ZAP70: variants seen among roughly 807,000 people sequenced by gnomAD.
The protein encoded by ZAP70 is zeta chain of T cell receptor associated protein kinase 70.
A neutral mutation model predicts 65.8 loss-of-function variants in ZAP70; 27 were observed. The observed-to-expected ratio is 0.41, with a 90% CI of 0.30 to 0.57. The LOEUF (loss-of-function observed/expected upper bound fraction) is 0.57. ZAP70 is among the 20% of genes least tolerant of loss of function. The pLI, the probability that ZAP70 is intolerant of heterozygous loss-of-function variation, is 0.28. For missense variants in ZAP70, 696 were observed against 870.5 expected (o/e 0.80, Z 2.52); for synonymous variants, 363 against 360.8 (o/e 1.01, Z -0.07).
intron 2 of ZAP70, among the ~76,000 whole-genome samples, chr2:97,717,294 C>T (rs917612620): frequency 5.9e-5 from 9 of 151,262 alleles, no homozygotes; most frequent in African/African-American, 1.9e-4. Context: ...GGGGCTGGGG[C>T]CCTGCTCCTG....
At chr2:97,734,497 A>T in intron 8 of ZAP70, 23 bp from the exon 9 acceptor site, 1 of 1,607,962 alleles carries the variant, frequency 6.2e-7, no homozygotes, top group Non-Finnish European at 8.5e-7. Flanking sequence ...CTGACCTGGG[A>T]GTGTACCGCT....
intron 8 of ZAP70, 108 bp from the exon 9 acceptor site, chr2:97,734,412 C>G: frequency 6.8e-7 from 1 of 1,467,998 alleles, no homozygotes; most frequent in Non-Finnish European, 9.0e-7. Context: ...CTTGTGCATG[C>G]TCCAGGGACG....
At position 97,737,464 on chromosome 2, in the gene ZAP70, C is replaced by A. The variant is rs1279831174; in HGVS notation, c.1290-9C>A. On this transcript the variant is annotated splice_polypyrimidine_tract_variant and intron_variant, in intron 10 of 13. Transcript: ENST00000264972. The surrounding 1 kb of genome is among the most constrained non-coding windows in gnomAD (Gnocchi z 5.0). The stretch of plus-strand genomic sequence containing the variant: ...CTCCCAGCTGACCCCGCCTTCCCCG[C>A]CACCCCAGGGAGGAGATCCCTGTGA... 1 of 1,613,954 alleles carries A rather than the reference C, an allele frequency of 6.2e-7. No homozygotes were observed. Among genetic ancestry groups the A allele is most frequent in the Non-Finnish European group, 8.5e-7 (1 of 1,179,964 alleles).
intron 3 of ZAP70, 153 bp downstream of exon 3, chr2:97,724,591 C>A (rs1449562743): frequency 2.6e-6 from 4 of 1,534,126 alleles, no homozygotes; most frequent in Non-Finnish European, 3.5e-6. Context: ...GGGGAAGAAC[C>A]TGAAAGGAGG....
At chr2:97,718,869 T>A (rs1470189492) in intron 2 of ZAP70, among the ~76,000 whole-genome samples, 1 of 152,174 alleles carries the variant, frequency 6.6e-6, no homozygotes, top group African/African-American at 2.4e-5. Context: ...TGCATCCTCA[T>A]GCTTTATGGG....
At chr2:97,730,873 G>A (rs887485467) in intron 4 of ZAP70, among the ~76,000 whole-genome samples, 4 of 152,066 alleles carry the variant, frequency 2.6e-5, no homozygotes, top group African/African-American at 9.7e-5. Flanking sequence ...ATCTAACACA[G>A]TGAAACCCCA....
intron 10 of ZAP70, 125 bp downstream of exon 10, chr2:97,735,581 A>G: frequency 8.8e-7 from 1 of 1,137,798 alleles, no homozygotes; most frequent in Admixed American, 2.4e-5. Context: ...TCGTGGACAC[A>G]CTCTCAGCCT....
At chr2:97,721,580 A>AAT (rs1677156479) in intron 2 of ZAP70, among the ~76,000 whole-genome samples, 14 of 81,162 alleles carry the variant, frequency 1.7e-4, no homozygotes, top group African/African-American at 6.0e-4. Flanking sequence ...TGGCTGGCTG[A>AAT]TTTTTTTTTT....
At position 97,739,526 on chromosome 2, in the gene ZAP70, C is replaced by T. The variant is rs1458843869; in HGVS notation, c.*28C>T. The T allele has an allele frequency of 3.1e-6, 5 of 1,606,742 alleles. No homozygotes were observed. Among genetic ancestry groups the T allele is most frequent in the African/African-American group, 2.7e-5 (2 of 74,768 alleles). On this transcript the variant is annotated 3_prime_UTR_variant, in exon 14 of 14. Coordinates refer to ENST00000264972, the MANE Select transcript of ZAP70 (RefSeq NM_001079.4). ...TCCCGCTGCCCAGGGGAGCCCTCCA[C>T]GCCGGCTCTTCCCCACCCTCAGCCC... is the stretch of plus-strand genomic sequence containing the variant.
intron 4 of ZAP70, among the ~76,000 whole-genome samples, chr2:97,727,073 A>T (rs1677417553): frequency 6.6e-6 from 1 of 152,390 alleles, no homozygotes; most frequent in South Asian, 2.1e-4. Context: ...TCATCCAGCA[A>T]GCTAGCTGAA....
At chr2:97,714,231 C>T (rs530100486) in intron 2 of ZAP70, among the ~76,000 whole-genome samples, 4 of 152,188 alleles carry the variant, frequency 2.6e-5, no homozygotes, top group South Asian at 4.2e-4. Flanking sequence ...TCAGGGGACA[C>T]GGTGAGGCCT....
chr2:97,716,112 G>C (rs1271683011), intron 2 of ZAP70, among the ~76,000 whole-genome samples: 1 of 152,180 alleles, frequency 6.6e-6, no homozygotes, highest in Non-Finnish European at 1.5e-5. Flanking sequence ...AACGGAGGAG[G>C]CCTGAAGCCG....
chr2:97,720,840 T>C (rs60016929), intron 2 of ZAP70, among the ~76,000 whole-genome samples: 6,517 of 152,232 alleles, frequency 0.043, 398 homozygotes, highest in African/African-American at 0.14. Flanking sequence ...GTGCAGATCC[T>C]GGCCCCTCCT....
Position 97,731,092 on chromosome 2 carries a change from GA to G in ZAP70, c.564-1790del, listed in dbSNP as rs1677584253. Among the ~76,000 whole-genome samples the G allele has an allele frequency of 6.6e-6, 1 of 151,620 alleles. No homozygotes were observed. The highest frequency in any genetic ancestry group is 1.5e-5 in the Non-Finnish European group (1 of 67,894). ...AAAAAAAAAGAGACAGAGGAGGGGA[GA>G]TGGGAGGTTTGCTGTTTGCTGGTGA... On this transcript the variant is annotated intron_variant, in intron 4 of 13. Transcript: ENST00000264972. The surrounding 1 kb of genome is among the most constrained non-coding windows in gnomAD (Gnocchi z 4.0).
downstream of ZAP70, among the ~76,000 whole-genome samples, chr2:97,741,086 AC>A (rs1678116019): frequency 6.6e-6 from 1 of 152,158 alleles, no homozygotes; most frequent in Non-Finnish European, 1.5e-5. Context: ...TAGCTTTTCT[AC>A]GGAACATGTT....
chr2:97,743,187 C>A (rs1678171199), downstream of ZAP70, among the ~76,000 whole-genome samples: 1 of 152,236 alleles, frequency 6.6e-6, no homozygotes, highest in South Asian at 2.1e-4. Context: ...CCGTGGCTGC[C>A]ACTAAAATCC....
chr2:97,737,852 G>A lies in ZAP70; in HGVS notation c.1578G>A (p.Gly526=). 1 of 1,614,136 alleles carries A rather than the reference G, an allele frequency of 6.2e-7. No homozygotes were observed. Among genetic ancestry groups the A allele is most frequent in the African/African-American group, 1.3e-5 (1 of 75,040 alleles). ...FSSRSDVWSY[G]VTMWEALSYG... is the part of the protein sequence containing the mutation. ...GCCGCAGCGATGTCTGGAGCTATGG[G>A]GTCACCATGTGGGAGGCCTTGTCCT... Residue 526 remains glycine (G), a synonymous_variant, in exon 12 of 14, where the codon GGG becomes GGA. Coordinates refer to ENST00000264972, the MANE Select transcript of ZAP70 (RefSeq NM_001079.4). This position sits in a 1 kb window ranked among gnomAD's most constrained non-coding sequence, Gnocchi z 5.0.
chr2:97,732,774 G>A (rs1413228797), intron 4 of ZAP70, 109 bp from the exon 5 acceptor site: 1 of 1,501,126 alleles, frequency 6.7e-7, no homozygotes, highest in Non-Finnish European at 9.1e-7. Context: ...CAGCTTCTCT[G>A]CAAGGCTCTG....
downstream of ZAP70, among the ~76,000 whole-genome samples, chr2:97,741,962 A>G (rs766172190): frequency 1.1e-4 from 17 of 152,202 alleles, no homozygotes; most frequent in Non-Finnish European, 2.2e-4. Context: ...GGCTTCCTGT[A>G]GGAGGGAACG....
Sources: gnomAD v4.1 joint callset for allele counts (sites outside exome capture counted in the v4.1 genomes callset) on GRCh38, gnomAD v4.1.1 for gene constraint, Gnocchi (gnomAD v3.1) non-coding constraint, MANE v1.5 for transcripts, NCBI Gene and HGNC (gene_info 2026-07-23, HGNC 2026-07-21) for gene names.